TRHDE: variants seen among roughly 807,000 people sequenced by gnomAD.
TRHDE encodes thyrotropin releasing hormone degrading enzyme.
Under a neutral mutation model 125.7 loss-of-function variants are expected in TRHDE, and 72 were observed. The observed-to-expected ratio is 0.57, with a 90% CI of 0.47 to 0.70. The LOEUF is 0.70. TRHDE is among the 30% of genes least tolerant of loss of function. The probability of loss-of-function intolerance (pLI) is 0.00; values close to 1 mark genes in which losing one functional copy is unlikely to be tolerated. For synonymous variants in TRHDE, 509 were observed against 509.1 expected (o/e 1.00, Z 0.00); for missense variants, 1,110 against 1,327.1 (o/e 0.84, Z 2.54).
At chr12:72,282,804 G>C (rs553955509) in intron 1 of TRHDE, among the ~76,000 whole-genome samples, 1 of 152,190 alleles carries the variant, frequency 6.6e-6, no homozygotes, top group Non-Finnish European at 1.5e-5. Flanking sequence ...ATACTTCTTT[G>C]AGTTCTTTAA....
intron 2 of TRHDE, among the ~76,000 whole-genome samples, chr12:72,132,913 A>G (rs866722274): frequency 2.0e-5 from 3 of 152,014 alleles, no homozygotes; most frequent in Non-Finnish European, 4.4e-5. Flanking sequence ...GATGAGGAGA[A>G]GTTTTCCAAG....
rs547135066 is a variant in TRHDE at position 72,266,480 on chromosome 12, C to T, written n.280-111515C>T. 4.6e-5 allele frequency among the ~76,000 whole-genome samples: 7 copies of T among 151,508 alleles called. No individual in the cohort carries two copies. In the East Asian group the frequency reaches 1.4e-3, roughly 29 times the overall value. ...AGGAATAATAATGTTGTCAGGTTTT[C>T]TTTTTATCATTATCTTACAAAATTA... On this transcript the variant is annotated intron_variant and non_coding_transcript_variant, in intron 2 of 4. Coordinates refer to the TRHDE transcript ENST00000548156.
intron 6 of TRHDE, among the ~76,000 whole-genome samples, chr12:72,500,793 G>A (rs1043082975): frequency 2.7e-5 from 4 of 148,460 alleles, no homozygotes; most frequent in African/African-American, 9.9e-5. Flanking sequence ...AGCATTTATT[G>A]TAGTGAACAC....
intron 2 of TRHDE, among the ~76,000 whole-genome samples, chr12:72,373,666 C>T (rs1029671110): frequency 6.6e-6 from 1 of 152,124 alleles, no homozygotes; most frequent in African/African-American, 2.4e-5. Context: ...GGATTTTCAG[C>T]AAGTGTGGGA....
chr12:72,211,464 TAGTC>T (rs1334293022), intron 2 of TRHDE, among the ~76,000 whole-genome samples: 31 of 152,290 alleles, frequency 2.0e-4, no homozygotes, highest in South Asian at 6.2e-4. Flanking sequence ...AAAGATAAAA[TAGTC>T]AGTCTATCAG....
chr12:72,230,321 A>G (rs1365407622), intron 2 of TRHDE, among the ~76,000 whole-genome samples: 4 of 152,148 alleles, frequency 2.6e-5, no homozygotes, highest in African/African-American at 9.7e-5. Context: ...TATTACATCT[A>G]TTATGATAAA....
chr12:72,224,900 T>TA (rs1220644064), intron 2 of TRHDE, among the ~76,000 whole-genome samples: 1 of 152,162 alleles, frequency 6.6e-6, no homozygotes, highest in African/African-American at 2.4e-5. Context: ...CCCCTCTCTT[T>TA]AAAATAGTCA....
intron 2 of TRHDE, among the ~76,000 whole-genome samples, chr12:72,119,723 G>A (rs1438602212): frequency 6.6e-6 from 1 of 152,024 alleles, no homozygotes; most frequent in Non-Finnish European, 1.5e-5. Context: ...CCACTGTTGG[G>A]TACATATATA....
At chr12:72,103,544 G>C (rs932114263) in intron 1 of TRHDE, among the ~76,000 whole-genome samples, 9 of 152,044 alleles carry the variant, frequency 5.9e-5, no homozygotes, top group African/African-American at 2.2e-4. Context: ...CCTGTGGTAG[G>C]ATTCTCTGTG....
intron 3 of TRHDE, among the ~76,000 whole-genome samples, chr12:72,455,055 C>T (rs1252752371): frequency 6.6e-6 from 1 of 151,990 alleles, no homozygotes; most frequent in Admixed American, 6.6e-5. Flanking sequence ...TAGTCTAAGA[C>T]CCAGTAATAT....
At chr12:72,378,478 G>C (rs1183805596) in intron 3 of TRHDE, among the ~76,000 whole-genome samples, 2 of 152,124 alleles carry the variant, frequency 1.3e-5, no homozygotes, top group Non-Finnish European at 2.9e-5. Context: ...TTCCACATAA[G>C]GGAGTTGAGA....
intron 6 of TRHDE, among the ~76,000 whole-genome samples, chr12:72,514,114 C>G (rs572897264): frequency 6.6e-6 from 1 of 152,064 alleles, no homozygotes; most frequent in Admixed American, 6.6e-5. Context: ...TCCCCAGACA[C>G]CATACAGACA....
intron 2 of TRHDE, among the ~76,000 whole-genome samples, chr12:72,162,753 T>C (rs556507763): frequency 9.9e-5 from 15 of 152,224 alleles, no homozygotes; most frequent in African/African-American, 3.1e-4. Context: ...TTATTGTATG[T>C]ACAGGCTATT....
chr12:72,440,876 T>G (rs1874978094), intron 3 of TRHDE, among the ~76,000 whole-genome samples: 1 of 151,910 alleles, frequency 6.6e-6, no homozygotes, highest in Non-Finnish European at 1.5e-5. Flanking sequence ...TCAGATGACA[T>G]CACATATTTA....
At chr12:72,443,805 C>T (rs909463801) in intron 3 of TRHDE, among the ~76,000 whole-genome samples, 6 of 151,630 alleles carry the variant, frequency 4.0e-5, no homozygotes, top group African/African-American at 1.5e-4. Flanking sequence ...ATAGAAAGAG[C>T]GTGGATTCCA....
At chr12:72,531,754 CATCTCTGTCAGCT>C (rs1391036727) in intron 6 of TRHDE, among the ~76,000 whole-genome samples, 2 of 151,922 alleles carry the variant, frequency 1.3e-5, no homozygotes, top group African/African-American at 2.4e-5. Context: ...TATCACATAC[CATCTCTGTCAGCT>C]ATCACAGATA....
chr12:72,207,109 C>T (rs950719694), intron 2 of TRHDE, among the ~76,000 whole-genome samples: 1 of 152,170 alleles, frequency 6.6e-6, no homozygotes, highest in East Asian at 1.9e-4. Context: ...TTATCTTTCT[C>T]TTGGACATCT....
intron 2 of TRHDE, among the ~76,000 whole-genome samples, chr12:72,360,550 C>T (rs550899189): frequency 5.3e-5 from 8 of 151,756 alleles, no homozygotes; most frequent in Non-Finnish European, 1.0e-4. Context: ...AACACTATTT[C>T]ATACCCATTG....
intron 6 of TRHDE, among the ~76,000 whole-genome samples, chr12:72,520,373 C>G (rs1374904773): frequency 6.6e-6 from 1 of 152,310 alleles, no homozygotes; most frequent in Middle Eastern, 3.4e-3. Flanking sequence ...GTCGGAAAAG[C>G]GCAGTATTCG....
Sources: gnomAD v4.1 joint callset for allele counts (sites outside exome capture counted in the v4.1 genomes callset) on GRCh38, gnomAD v4.1.1 for gene constraint, MANE v1.5 for transcripts, NCBI Gene and HGNC (gene_info 2026-07-23, HGNC 2026-07-21) for gene names.